EPB41: variants seen among roughly 807,000 people sequenced by gnomAD.
EPB41 encodes the protein erythrocyte membrane protein band 4.1.
EPB41 carries 65 observed loss-of-function variants against 108.0 expected under a neutral mutation model. That is an observed-to-expected ratio of 0.60 (90% CI 0.49 to 0.74). The LOEUF (loss-of-function observed/expected upper bound fraction) is 0.74. Among genes scored for constraint, EPB41 ranks in the 30% least tolerant of loss-of-function variants. EPB41 has a pLI of 0.00. For missense variants in EPB41, 875 were observed against 1,037.0 expected (o/e 0.84, Z 2.15); for synonymous variants, 336 against 358.9 (o/e 0.94, Z 0.72).
chr1:29,043,843 A>G (rs1486449572), intron 11 of EPB41, among the ~76,000 whole-genome samples: 1 of 152,180 alleles, frequency 6.6e-6, no homozygotes, highest in African/African-American at 2.4e-5. Context: ...CCTGGACTTG[A>G]GTGTTGGCAA....
At chr1:28,927,574 C>T (rs1265055599) in intron 1 of EPB41, among the ~76,000 whole-genome samples, 2 of 152,066 alleles carry the variant, frequency 1.3e-5, no homozygotes, top group African/African-American at 2.4e-5. Flanking sequence ...TCTGTGTATG[C>T]TAATTAATTT....
intron 5 of EPB41, among the ~76,000 whole-genome samples, chr1:29,013,238 T>C (rs2096531110): frequency 6.6e-6 from 1 of 151,764 alleles, no homozygotes; most frequent in Non-Finnish European, 1.5e-5. Context: ...GGCAGGAGAA[T>C]TGCTTGAATC....
At chr1:28,918,582 T>C (rs1272325228) in intron 1 of EPB41, among the ~76,000 whole-genome samples, 1 of 152,224 alleles carries the variant, frequency 6.6e-6, no homozygotes, top group Non-Finnish European at 1.5e-5. Flanking sequence ...TAATCAGTTA[T>C]GGGCCTTATG....
intron 7 of EPB41, among the ~76,000 whole-genome samples, chr1:29,027,982 G>A (rs775646830): frequency 9.2e-5 from 14 of 151,802 alleles, no homozygotes; most frequent in Non-Finnish European, 1.9e-4. Context: ...GCGCCACCAC[G>A]CCCAGCTAAT....
At chr1:28,931,769 C>G (rs2093760924) in intron 1 of EPB41, among the ~76,000 whole-genome samples, 1 of 151,996 alleles carries the variant, frequency 6.6e-6, no homozygotes, top group African/African-American at 2.4e-5. Context: ...CTCCTGACCT[C>G]ATGATCCACT....
chr1:29,098,395 C>T (rs1664005495), intron 17 of EPB41, among the ~76,000 whole-genome samples: 1 of 152,162 alleles, frequency 6.6e-6, no homozygotes, highest in African/African-American at 2.4e-5. Context: ...CGGGGTTTCA[C>T]CGTGTTAGCC....
chr1:29,065,595 G>T (rs1647209778), intron 16 of EPB41: 1 of 153,438 alleles, frequency 6.5e-6, no homozygotes, highest in Middle Eastern at 3.4e-3. Context: ...TATCTGGACT[G>T]GTTCCCCACA....
At chr1:28,998,259 T>G (rs1235673248) in intron 4 of EPB41, among the ~76,000 whole-genome samples, 2 of 152,142 alleles carry the variant, frequency 1.3e-5, no homozygotes, top group African/African-American at 4.8e-5. Flanking sequence ...GAATGGCTTG[T>G]GTAAGACCTG....
intron 7 of EPB41, among the ~76,000 whole-genome samples, chr1:29,027,713 G>A (rs960369937): frequency 3.9e-5 from 6 of 152,132 alleles, no homozygotes; most frequent in Non-Finnish European, 8.8e-5. Flanking sequence ...TAGGACTATA[G>A]GTGCATGCCA....
chr1:28,966,184 C>T (rs2095353061), intron 1 of EPB41, among the ~76,000 whole-genome samples: 1 of 147,824 alleles, frequency 6.8e-6, no homozygotes, highest in Non-Finnish European at 1.5e-5. Context: ...GAAACTCCGT[C>T]TCAAAAAAAA....
In EPB41 at chr1:29,041,004, C is replaced by T. The variant is rs1001167403; in HGVS notation, c.1636+1578C>T. On this transcript the variant is annotated intron_variant, in intron 11 of 20. Coordinates refer to ENST00000343067, the MANE Select transcript of EPB41 (RefSeq NM_001376013.1). ...TACAAAAATCAGCTGGGCATGGTGGCGCACGTCTGTAATCCCAGCTACACA... is the reference window on the plus strand; with the variant it reads ...TACAAAAATCAGCTGGGCATGGTGGTGCACGTCTGTAATCCCAGCTACACA... Among the ~76,000 whole-genome samples the T allele has an allele frequency of 7.9e-5, 12 of 151,892 alleles. No individual in the cohort carries two copies. In the East Asian group the frequency reaches 1.5e-3, roughly 20 times the overall value.
chr1:28,961,566 A>C (rs1038493), intron 1 of EPB41, among the ~76,000 whole-genome samples: 7 of 152,010 alleles, frequency 4.6e-5, no homozygotes, highest in African/African-American at 1.7e-4. Context: ...AATTGTATCT[A>C]TTTTGATAAC....
intron 1 of EPB41, among the ~76,000 whole-genome samples, chr1:28,944,028 A>G (rs942839128): frequency 1.3e-5 from 2 of 152,250 alleles, no homozygotes; most frequent in African/African-American, 4.8e-5. Context: ...CTATTCAACC[A>G]TAAAAAGAAT....
At chr1:29,027,440 T>G (rs1030566103) in intron 7 of EPB41, among the ~76,000 whole-genome samples, 1 of 151,452 alleles carries the variant, frequency 6.6e-6, no homozygotes, top group Non-Finnish European at 1.5e-5. Flanking sequence ...CAAGCGATTC[T>G]CCTGCCTCAG....
intron 1 of EPB41, among the ~76,000 whole-genome samples, chr1:28,923,993 G>C (rs2093299665): frequency 6.6e-6 from 1 of 152,108 alleles, no homozygotes; most frequent in African/African-American, 2.4e-5. Flanking sequence ...TCTAAGATTA[G>C]GTTATAAAAT....
At chr1:28,972,670 A>G (rs1162148876) in intron 1 of EPB41, among the ~76,000 whole-genome samples, 2 of 151,266 alleles carry the variant, frequency 1.3e-5, no homozygotes, top group African/African-American at 4.9e-5. Context: ...TGTGATCATG[A>G]TTCACCGCAG....
In EPB41 at chr1:28,887,600, T is replaced by A. The variant is rs998485019; in HGVS notation, c.-8+390T>A. 1 of 985,132 alleles carries A rather than the reference T, an allele frequency of 1.0e-6. No homozygotes were observed. The highest frequency in any genetic ancestry group is 4.7e-5 in the South Asian group (1 of 21,284). The allele number at this position is 985,132 out of a possible 1,614,324, so 61.0% of individuals were successfully genotyped here. On this transcript the variant is annotated intron_variant, in intron 1 of 16. Transcript: ENST00000347529. The surrounding 1 kb of genome is among the most constrained non-coding windows in gnomAD (Gnocchi z 4.9). ...TAGCCCCGCCTTGCCCGGCCCCGCA[T>A]GCTCCTGCCGGGCCCGCAGCAGCGC... is the stretch of plus-strand genomic sequence containing the variant.
intron 1 of EPB41, among the ~76,000 whole-genome samples, chr1:28,949,042 C>T (rs2094598696): frequency 6.6e-6 from 1 of 152,218 alleles, no homozygotes; most frequent in South Asian, 2.1e-4. Flanking sequence ...AGAACTAGAA[C>T]TATACTAGTA....
chr1:28,918,716 A>G (rs970155551), intron 1 of EPB41, among the ~76,000 whole-genome samples: 3 of 152,228 alleles, frequency 2.0e-5, no homozygotes, highest in African/African-American at 7.2e-5. Context: ...GTTTGAGACC[A>G]CTGCATTCCA....
Sources: allele counts gnomAD v4.1 joint callset (sites outside exome capture counted in the v4.1 genomes callset), GRCh38; gene constraint gnomAD v4.1.1; non-coding constraint Gnocchi (gnomAD v3.1); transcripts MANE v1.5; gene names NCBI Gene and HGNC (gene_info 2026-07-23, HGNC 2026-07-21).